The following TRIO variants were observed in gnomAD, a reference collection of about 807,000 sequenced individuals.
TRIO encodes triple functional domain protein.
A neutral mutation model predicts 351.9 loss-of-function variants in TRIO; 58 were observed. The observed-to-expected ratio is 0.16, with a 90% CI of 0.13 to 0.21. The LOEUF (loss-of-function observed/expected upper bound fraction) is 0.21. TRIO is among the 10% of genes least tolerant of loss of function. The probability of loss-of-function intolerance (pLI) is 1.00; values close to 1 mark genes in which losing one functional copy is unlikely to be tolerated. For missense variants in TRIO, 3,201 were observed against 4,027.8 expected (o/e 0.79, Z 5.56); for synonymous variants, 1,758 against 1,595.7 (o/e 1.10, Z -2.42).
At chr5:14,375,027 A>G (rs1375886295) in intron 19 of TRIO, among the ~76,000 whole-genome samples, 1 of 152,230 alleles carries the variant, frequency 6.6e-6, no homozygotes, top group African/African-American at 2.4e-5. Flanking sequence ...TCAGTTAGCA[A>G]ATGATTCATC....
chr5:14,159,581 T>C lies in TRIO; in HGVS notation c.157+15699T>C, dbSNP rs572463995. ...GAGCTTTATATTTTTTTTCTTTTTT[T>C]TTTTTTGAGATGGAGTCTTGCTCTG... On this transcript the variant is annotated intron_variant, in intron 1 of 56. Coordinates refer to ENST00000344204, the MANE Select transcript of TRIO (RefSeq NM_007118.4). Among the ~76,000 whole-genome samples, 3 of 152,004 alleles carry C rather than the reference T, an allele frequency of 2.0e-5. No homozygotes were observed. In the South Asian group the frequency reaches 6.2e-4, roughly 32 times the overall value.
rs1478303969 is a variant in TRIO at position 14,160,804 on chromosome 5, C to G, written c.157+16922C>G. On this transcript the variant is annotated intron_variant, in intron 1 of 56. Transcript: ENST00000344204. Reference sequence around the variant, plus strand: ...GTGAAGACCAGTGCAGAATTATTCTCAGATCTCCTTCCCGACTCGTCCCTT... The same window carrying G: ...GTGAAGACCAGTGCAGAATTATTCTGAGATCTCCTTCCCGACTCGTCCCTT... Among the ~76,000 whole-genome samples, 4 of 152,326 alleles carry G rather than the reference C, an allele frequency of 2.6e-5. No individual in the cohort carries two copies. The East Asian group carries it at 7.7e-4, about 29-fold the overall frequency.
At chr5:14,453,159 CCCT>C (rs1179102401) in intron 34 of TRIO, among the ~76,000 whole-genome samples, 4 of 151,952 alleles carry the variant, frequency 2.6e-5, no homozygotes, top group South Asian at 2.1e-4. Context: ...AAGGATTTTT[CCCT>C]CCTCAAAATA....
At chr5:14,437,322 CAA>C (rs1321785980) in intron 34 of TRIO, among the ~76,000 whole-genome samples, 2 of 152,108 alleles carry the variant, frequency 1.3e-5, no homozygotes, top group African/African-American at 4.8e-5. Flanking sequence ...AGTATACAAT[CAA>C]AAAGCTGTTT....
At chr5:14,144,475 T>C (rs1787373242) in intron 1 of TRIO, among the ~76,000 whole-genome samples, 2 of 152,048 alleles carry the variant, frequency 1.3e-5, no homozygotes, top group Non-Finnish European at 2.9e-5. Flanking sequence ...CGGCACTCAC[T>C]GCCCAGGGAG....
intron 53 of TRIO, among the ~76,000 whole-genome samples, chr5:14,500,078 A>G (rs1015528974): frequency 1.3e-5 from 2 of 151,182 alleles, no homozygotes; most frequent in African/African-American, 4.9e-5. Flanking sequence ...AAGACTATTC[A>G]TACCCTGGAA....
chr5:14,498,960 G>A, intron 53 of TRIO: 1 of 289,136 alleles, frequency 3.5e-6, no homozygotes, highest in Non-Finnish European at 6.7e-6. Context: ...CAGCTTCTGA[G>A]TTGGAGCAGG....
In TRIO at chr5:14,398,790, A is replaced by T. The variant is rs1747827760; in HGVS notation, c.4424-90A>T. On this transcript the variant is annotated intron_variant, in intron 29 of 56. Transcript: ENST00000344204. ...CTAGGGTTGGCCGATGGGCATTTTT[A>T]AAATTGTTGAAAATACTAATAATGC... is the stretch of plus-strand genomic sequence containing the variant. 4 of 1,314,634 alleles carry T rather than the reference A, an allele frequency of 3.0e-6. No individual in the cohort carries two copies. In the Admixed American group the frequency reaches 7.6e-5, roughly 25 times the overall value. 81.4% of individuals were successfully genotyped at this position (1,314,634 alleles called of 1,614,324 possible).
intron 33 of TRIO, among the ~76,000 whole-genome samples, chr5:14,418,562 A>G (rs181735239): frequency 7.9e-5 from 12 of 152,264 alleles, no homozygotes; most frequent in Admixed American, 6.5e-4. Context: ...CGGAAGAAAA[A>G]GAGATTTAGG....
intron 34 of TRIO, among the ~76,000 whole-genome samples, chr5:14,425,146 G>A (rs1750534799): frequency 6.6e-6 from 1 of 152,196 alleles, no homozygotes; most frequent in Non-Finnish European, 1.5e-5. Context: ...TTGTTATGCA[G>A]CCGTCATTAC....
rs1268359141 is a variant in TRIO, at chr5:14,400,889, GT to G, written c.4615-71del. 41 of 1,432,622 alleles carry G rather than the reference GT, an allele frequency of 2.9e-5. No individual in the cohort carries two copies. The African/African-American group carries it at 5.9e-4, about 20-fold the overall frequency. 88.7% of individuals were successfully genotyped at this position (1,432,622 alleles called of 1,614,324 possible). A position where few individuals can be genotyped will look rare whatever the true frequency, so the allele number is the denominator to read the frequency against. ...ACATGGCCACAAGTAACCAAAACCT[GT>G]TTCCTTGGTCTCTGTTCTGCATCCT... is the stretch of plus-strand genomic sequence containing the variant. On this transcript the variant is annotated intron_variant, in intron 30 of 56. Coordinates refer to ENST00000344204, the MANE Select transcript of TRIO (RefSeq NM_007118.4).
intron 1 of TRIO, among the ~76,000 whole-genome samples, chr5:14,252,835 G>A (rs1794821441): frequency 6.6e-6 from 1 of 151,892 alleles, no homozygotes; most frequent in Non-Finnish European, 1.5e-5. Context: ...GCCATTCATT[G>A]AGGGAGAGGT....
At chr5:14,337,803 T>C (rs1741563950) in intron 11 of TRIO, among the ~76,000 whole-genome samples, 1 of 152,100 alleles carries the variant, frequency 6.6e-6, no homozygotes, top group Non-Finnish European at 1.5e-5. Context: ...TGTGAGGCTG[T>C]GAAGGAGTGG....
intron 34 of TRIO, among the ~76,000 whole-genome samples, chr5:14,443,402 G>A (rs1240637253): frequency 6.6e-6 from 1 of 152,168 alleles, no homozygotes; most frequent in Non-Finnish European, 1.5e-5. Flanking sequence ...CCTGAATGCT[G>A]TTATATCAGA....
At chr5:14,467,015 C>CT (rs1754311269) in intron 37 of TRIO, among the ~76,000 whole-genome samples, 1 of 152,184 alleles carries the variant, frequency 6.6e-6, no homozygotes, top group Non-Finnish European at 1.5e-5. Flanking sequence ...TTGTTATGCA[C>CT]TATTGTTATC....
intron 1 of TRIO, among the ~76,000 whole-genome samples, chr5:14,162,909 T>A (rs1439364810): frequency 1.3e-5 from 2 of 152,088 alleles, no homozygotes; most frequent in African/African-American, 4.8e-5. Flanking sequence ...CAGGTTCAAG[T>A]GATTCTCCTG....
intron 3 of TRIO, among the ~76,000 whole-genome samples, chr5:14,284,512 T>A (rs1218219746): frequency 6.6e-6 from 1 of 152,238 alleles, no homozygotes; most frequent in Admixed American, 6.5e-5. Flanking sequence ...GGGAGCAGTT[T>A]GATCACAGAG....
chr5:14,212,811 A>G (rs1364806526), intron 1 of TRIO, among the ~76,000 whole-genome samples: 5 of 152,278 alleles, frequency 3.3e-5, no homozygotes, highest in Admixed American at 1.3e-4. Flanking sequence ...GCTTTGCATC[A>G]ACTTTTGAGA....
chr5:14,277,904 A>G (rs1339522683), intron 2 of TRIO, among the ~76,000 whole-genome samples: 1 of 152,218 alleles, frequency 6.6e-6, no homozygotes, highest in African/African-American at 2.4e-5. Flanking sequence ...TATGCCATCT[A>G]TTGGAAGGTG....
Sources: gnomAD v4.1 joint callset for allele counts (sites outside exome capture counted in the v4.1 genomes callset) on GRCh38, gnomAD v4.1.1 for gene constraint, MANE v1.5 for transcripts, NCBI Gene and HGNC (gene_info 2026-07-23, HGNC 2026-07-21) for gene names.